The following LRRC4C variants were observed in gnomAD, a reference collection of about 807,000 sequenced individuals.
LRRC4C encodes the protein leucine-rich repeat-containing protein 4C.
In LRRC4C, 5 loss-of-function variants were observed where a neutral mutation model predicts 33.6. The observed-to-expected ratio is 0.15, with a 90% confidence interval of 0.08 to 0.31. The LOEUF is 0.31. Ranked by LOEUF, LRRC4C falls within the 10% of genes least tolerant of loss-of-function variation. The pLI is 1.00. For synonymous variants in LRRC4C, 329 were observed against 302.0 expected, an observed-to-expected ratio of 1.09 and a Z score of -0.93; for missense variants, 560 against 796.7, an observed-to-expected ratio of 0.70 and a Z score of 3.58.
chr11:40,759,904 A>T (rs1457691457), intron 2 of LRRC4C, among the ~76,000 whole-genome samples: 4 of 151,602 alleles, frequency 2.6e-5, no homozygotes, highest in Non-Finnish European at 5.9e-5. Flanking sequence ...AAAAAAAAAT[A>T]GAGAAAAAGG....
intron 2 of LRRC4C, among the ~76,000 whole-genome samples, chr11:40,720,296 T>C (rs1025344264): frequency 1.3e-5 from 2 of 152,224 alleles, no homozygotes; most frequent in Non-Finnish European, 2.9e-5. Flanking sequence ...CTTTCTTTTA[T>C]TTCATTTTTA....
chr11:41,077,431 T>C (rs1939234441), intron 1 of LRRC4C, among the ~76,000 whole-genome samples: 1 of 152,202 alleles, frequency 6.6e-6, no homozygotes, highest in Non-Finnish European at 1.5e-5. Context: ...TCTTGCCTTC[T>C]GCATTCCTGC....
chr11:40,360,051 C>G (rs1028579802), intron 3 of LRRC4C, among the ~76,000 whole-genome samples: 2 of 152,058 alleles, frequency 1.3e-5, no homozygotes, highest in Non-Finnish European at 2.9e-5. Context: ...AATATTCAAT[C>G]TTAAAAATTG....
chr11:41,194,591 T>A (rs1381882192), intron 1 of LRRC4C, among the ~76,000 whole-genome samples: 2 of 152,108 alleles, frequency 1.3e-5, no homozygotes, highest in African/African-American at 2.4e-5. Context: ...TAGAAGGAAC[T>A]GAGGCCTTGA....
chr11:40,867,704 T>C (rs927437085), intron 2 of LRRC4C, among the ~76,000 whole-genome samples: 1 of 152,192 alleles, frequency 6.6e-6, no homozygotes, highest in Non-Finnish European at 1.5e-5. Flanking sequence ...AATATACTTA[T>C]GATGCTAAGA....
At chr11:41,100,245 A>G (rs1205232076) in intron 1 of LRRC4C, among the ~76,000 whole-genome samples, 1 of 152,300 alleles carries the variant, frequency 6.6e-6, no homozygotes, top group East Asian at 1.9e-4. Context: ...AAAATGTTTC[A>G]TGCTCATGGA....
intron 2 of LRRC4C, among the ~76,000 whole-genome samples, chr11:40,679,824 G>A (rs11036015): frequency 0.077 from 11,699 of 152,226 alleles, 486 homozygotes; most frequent in East Asian, 0.13. Flanking sequence ...GAAGGGAAAT[G>A]TGGGGTCAGA....
chr11:40,862,015 C>A (rs1010123901), intron 2 of LRRC4C, among the ~76,000 whole-genome samples: 3 of 152,232 alleles, frequency 2.0e-5, no homozygotes, highest in Non-Finnish European at 2.9e-5. Flanking sequence ...AATCTGGAGG[C>A]AACAAAATAT....
chr11:41,248,218 A>G (rs973601790), intron 1 of LRRC4C, among the ~76,000 whole-genome samples: 7 of 152,220 alleles, frequency 4.6e-5, no homozygotes, highest in African/African-American at 1.7e-4. Context: ...ACCAATATCC[A>G]TAACATTTAC....
At chr11:41,055,882 A>G (rs1858585521) in intron 1 of LRRC4C, among the ~76,000 whole-genome samples, 1 of 152,194 alleles carries the variant, frequency 6.6e-6, no homozygotes, top group South Asian at 2.1e-4. Context: ...CAGTTCTTAT[A>G]CATTGCCATC....
At chr11:41,125,269 T>C (rs1363857704) in intron 1 of LRRC4C, among the ~76,000 whole-genome samples, 1 of 95,052 alleles carries the variant, frequency 1.1e-5, no homozygotes, top group Non-Finnish European at 2.4e-5. Flanking sequence ...CCATGTTGAG[T>C]CATGAAATGA....
At chr11:40,799,473 C>T (rs1478318755) in intron 2 of LRRC4C, among the ~76,000 whole-genome samples, 2 of 152,118 alleles carry the variant, frequency 1.3e-5, no homozygotes, top group Non-Finnish European at 2.9e-5. Context: ...AGATTTGAAT[C>T]CTAATACAGT....
intron 1 of LRRC4C, among the ~76,000 whole-genome samples, chr11:41,169,560 A>G (rs1944877678): frequency 6.6e-6 from 1 of 152,178 alleles, no homozygotes; most frequent in Non-Finnish European, 1.5e-5. Context: ...CTCTCCAATT[A>G]GAATATGTGG....
chr11:40,122,908 T>A (rs577565369), intron 6 of LRRC4C, among the ~76,000 whole-genome samples: 6 of 150,644 alleles, frequency 4.0e-5, no homozygotes, highest in African/African-American at 1.5e-4. Context: ...GTCTATATAC[T>A]TTTTTATATC....
intron 3 of LRRC4C, among the ~76,000 whole-genome samples, chr11:40,381,963 T>TTTC (rs1235524110): frequency 7.2e-6 from 1 of 139,854 alleles, no homozygotes; most frequent in Non-Finnish European, 1.6e-5. Flanking sequence ...CGTTTTTTTT[T>TTTC]TTTTTTTTTT....
intron 1 of LRRC4C, among the ~76,000 whole-genome samples, chr11:41,356,994 T>A (rs1952184801): frequency 6.6e-6 from 1 of 152,098 alleles, no homozygotes; most frequent in Admixed American, 6.6e-5. Context: ...ATGTTAATAA[T>A]CTGTGAGAGA....
At chr11:41,155,856 A>C (rs942072336) in intron 1 of LRRC4C, among the ~76,000 whole-genome samples, 1 of 152,110 alleles carries the variant, frequency 6.6e-6, no homozygotes. Context: ...TTCAAAATCA[A>C]AACCTGATGC....
At chr11:40,196,474 C>T (rs1415481127) in intron 5 of LRRC4C, among the ~76,000 whole-genome samples, 1 of 152,216 alleles carries the variant, frequency 6.6e-6, no homozygotes, top group Non-Finnish European at 1.5e-5. Flanking sequence ...AAGACAGTCT[C>T]TTGTTTGTTA....
chr11:40,946,621 CT>C (rs1466496035), intron 1 of LRRC4C, among the ~76,000 whole-genome samples: 7 of 152,074 alleles, frequency 4.6e-5, no homozygotes, highest in Non-Finnish European at 1.0e-4. Context: ...TGTGTTTTGA[CT>C]TTTTACTAAT....
Sources: allele counts gnomAD v4.1 joint callset (sites outside exome capture counted in the v4.1 genomes callset), GRCh38; gene constraint gnomAD v4.1.1; transcripts MANE v1.5; gene names NCBI Gene and HGNC (gene_info 2026-07-23, HGNC 2026-07-21).